The following ZCCHC4 variants were observed in gnomAD, a reference collection of about 807,000 sequenced individuals.
ZCCHC4 encodes the protein zinc finger CCHC-type containing 4, also known as rRNA N(6)-adenosine-methyltransferase ZCCHC4.
ZCCHC4 carries 54 observed loss-of-function variants against 67.7 expected under a neutral mutation model. That is an observed-to-expected ratio of 0.80 (90% CI 0.64 to 1.00). The LOEUF (loss-of-function observed/expected upper bound fraction) is 1.00, where lower values mean the gene tolerates loss of function less well. Among genes scored for constraint, ZCCHC4 ranks in the 50% least tolerant of loss-of-function variants. ZCCHC4 has a pLI of 0.00. For synonymous variants in ZCCHC4, 198 were observed against 213.5 expected, an observed-to-expected ratio of 0.93 and a Z score of 0.63; for missense variants, 609 against 617.0, an observed-to-expected ratio of 0.99 and a Z score of 0.14.
chr4:25,318,231 A>G lies in ZCCHC4; in HGVS notation c.329+2831A>G, dbSNP rs929606630. Among the ~76,000 whole-genome samples the G allele has an allele frequency of 7.6e-4, 115 of 151,600 alleles. 1 individual carries two copies. Among genetic ancestry groups the G allele is most frequent in the African/African-American group, 2.8e-3 (115 of 41,288 alleles). On this transcript the variant is annotated intron_variant, in intron 3 of 12. Coordinates refer to ENST00000302874, the MANE Select transcript of ZCCHC4 (RefSeq NM_024936.3). ...TATCTGATAAGCATGTTTCTGTTAG[A>G]AGGATATTGGTGATTTAATTAAACT... is the stretch of plus-strand genomic sequence containing the variant.
At chr4:25,329,059 C>G (rs1719038880) in intron 3 of ZCCHC4, among the ~76,000 whole-genome samples, 1 of 151,950 alleles carries the variant, frequency 6.6e-6, no homozygotes, top group Non-Finnish European at 1.5e-5. Flanking sequence ...TGGTGGCAAG[C>G]ACCTGTAGTT....
Position 25,365,034 on chromosome 4 carries a change from G to T in ZCCHC4, c.1274G>T (p.Cys425Phe). The change falls in exon 12 of 13, where the codon TGT (cysteine) becomes TTT (phenylalanine). Residue 425 changes from cysteine to phenylalanine, a missense_variant. Coordinates refer to ENST00000302874, the MANE Select transcript of ZCCHC4 (RefSeq NM_024936.3). ...KKCVKPSWIHCSICNHCAVPD... is the reference protein window; with the variant it reads ...KKCVKPSWIHFSICNHCAVPD... ...TTTTATTTTACAGCCTGGATCCACTGTAGCATCTGCAATCACTGTGCTGTT... is the reference window on the plus strand; with the variant it reads ...TTTTATTTTACAGCCTGGATCCACTTTAGCATCTGCAATCACTGTGCTGTT... The T allele has an allele frequency of 1.2e-6, 2 of 1,613,986 alleles. No individual in the cohort carries two copies. The highest frequency in any genetic ancestry group is 2.2e-5 in the South Asian group (2 of 91,026).
At chr4:25,341,953 G>T (rs923233971) in intron 5 of ZCCHC4, among the ~76,000 whole-genome samples, 1 of 152,194 alleles carries the variant, frequency 6.6e-6, no homozygotes, top group African/African-American at 2.4e-5. Flanking sequence ...CAGAGTAGGG[G>T]TTAGGGGATG....
intron 6 of ZCCHC4, among the ~76,000 whole-genome samples, chr4:25,347,350 A>G (rs1034722530): frequency 7.9e-5 from 12 of 152,166 alleles, no homozygotes; most frequent in Non-Finnish European, 1.8e-4. Context: ...AACTCTTTGT[A>G]GCTTATAGAA....
intron 12 of ZCCHC4, 178 bp downstream of exon 12, chr4:25,365,344 C>G (rs892488385): frequency 5.7e-6 from 8 of 1,401,484 alleles, no homozygotes; most frequent in Non-Finnish European, 7.4e-6. Context: ...AAAGAGCTTG[C>G]TTTCAAAGAG....
intron 8 of ZCCHC4, among the ~76,000 whole-genome samples, chr4:25,354,905 CTTTTTTTTT>C (rs61156499): frequency 9.8e-6 from 1 of 101,552 alleles, no homozygotes; most frequent in Non-Finnish European, 1.9e-5. Context: ...TTGATTAGGC[CTTTTTTTTT>C]TTTTTTTTTT....
At chr4:25,319,180 G>A (rs1191728879) in intron 3 of ZCCHC4, among the ~76,000 whole-genome samples, 2 of 152,108 alleles carry the variant, frequency 1.3e-5, no homozygotes, top group African/African-American at 2.4e-5. Flanking sequence ...TCAGGAGATC[G>A]AGACCATCCT....
At chr4:25,329,533 C>T (rs1363472488) in intron 3 of ZCCHC4, among the ~76,000 whole-genome samples, 4 of 127,116 alleles carry the variant, frequency 3.1e-5, no homozygotes, top group African/African-American at 3.0e-5. Context: ...TTATATTTTC[C>T]TTTTTTTTTT....
chr4:25,365,445 G>A (rs1720904600), intron 12 of ZCCHC4: 3 of 1,167,200 alleles, frequency 2.6e-6, no homozygotes, highest in Admixed American at 4.2e-5. Context: ...CGTCTCATGT[G>A]TAAAGTTATA....
intron 8 of ZCCHC4, among the ~76,000 whole-genome samples, chr4:25,356,188 G>T (rs1179822004): frequency 1.3e-5 from 2 of 152,164 alleles, no homozygotes; most frequent in African/African-American, 2.4e-5. Flanking sequence ...TTCCATGGGA[G>T]AAATTTTCTA....
rs779832307 is a variant in ZCCHC4 at position 25,365,060 on chromosome 4, C to G, written c.1300C>G (p.Pro434Ala). The change falls in exon 12 of 13, where the codon CCA (proline) becomes GCA (alanine). Residue 434 changes from proline (P) to alanine (A), a missense_variant. By Grantham distance (27) the Pro-to-Ala change is conservative. Coordinates refer to ENST00000302874, the MANE Select transcript of ZCCHC4 (RefSeq NM_024936.3). ...TAGCATCTGCAATCACTGTGCTGTT[C>G]CAGATCATTCTTGTGAGGGCCCCAA... ...HCSICNHCAV[P>A]DHSCEGPKHG... 1 of 1,614,044 alleles carries G rather than the reference C, an allele frequency of 6.2e-7. No homozygotes were observed.
chr4:25,316,434 AG>A (rs1718267303), intron 3 of ZCCHC4, among the ~76,000 whole-genome samples: 1 of 152,266 alleles, frequency 6.6e-6, no homozygotes, highest in Non-Finnish European at 1.5e-5. Context: ...CATTCCCACT[AG>A]GAGTGTATAT....
intron 8 of ZCCHC4, among the ~76,000 whole-genome samples, chr4:25,357,269 T>C (rs945510891): frequency 6.6e-6 from 1 of 152,222 alleles, no homozygotes; most frequent in African/African-American, 2.4e-5. Context: ...ATTCTGTTCA[T>C]TCCCATTATT....
At position 25,337,904 on chromosome 4, in the gene ZCCHC4, CGTCTTCTCAAAGAACTT is replaced by C. The variant is rs537730977; in HGVS notation, c.686+3919_686+3935del. ...ACAGAGACTAGGTGATACCATAGTG[CGTCTTCTCAAAGAACTT>C]GTTAAAATTGCAAGAATCCTTGGTT... On this transcript the variant is annotated intron_variant, in intron 5 of 12. Coordinates refer to ENST00000302874, the MANE Select transcript of ZCCHC4 (RefSeq NM_024936.3). Among the ~76,000 whole-genome samples, 121 of 152,188 alleles carry C rather than the reference CGTCTTCTCAAAGAACTT, an allele frequency of 8.0e-4. No homozygotes were observed. In the South Asian group the frequency reaches 0.025, roughly 31 times the overall value.
chr4:25,361,822 G>A, intron 8 of ZCCHC4, 37 bp from the exon 9 acceptor site: 1 of 1,561,328 alleles, frequency 6.4e-7, no homozygotes, highest in African/African-American at 1.4e-5. Context: ...ACTAATTTGA[G>A]TAAATTTTCT....
chr4:25,315,179 G>T, intron 2 of ZCCHC4, 139 bp from the exon 3 acceptor site: 3 of 656,080 alleles, frequency 4.6e-6, no homozygotes, highest in Non-Finnish European at 7.4e-6. Flanking sequence ...CCCAGTTTTC[G>T]CTGTTTTGTT....
At chr4:25,316,755 C>G (rs1718286825) in intron 3 of ZCCHC4, among the ~76,000 whole-genome samples, 1 of 152,126 alleles carries the variant, frequency 6.6e-6, no homozygotes, top group African/African-American at 2.4e-5. Flanking sequence ...TTCTCCTATT[C>G]TGTAGGTTGT....
chr4:25,314,316 G>T, intron 2 of ZCCHC4, 152 bp downstream of exon 2: 2 of 591,064 alleles, frequency 3.4e-6, no homozygotes, highest in East Asian at 5.3e-5. Context: ...TTCAGAAAAT[G>T]AGTTCATGTT....
chr4:25,342,133 C>T (rs769276544), intron 5 of ZCCHC4, among the ~76,000 whole-genome samples: 3 of 152,002 alleles, frequency 2.0e-5, no homozygotes, highest in Non-Finnish European at 4.4e-5. Context: ...TAGAGGTCAA[C>T]AATAGTTCTT....
Sources: allele counts gnomAD v4.1 joint callset (sites outside exome capture counted in the v4.1 genomes callset), GRCh38; gene constraint gnomAD v4.1.1; transcripts MANE v1.5; gene names NCBI Gene and HGNC (gene_info 2026-07-23, HGNC 2026-07-21).